ASB8: variants seen among roughly 807,000 people sequenced by gnomAD.
The protein encoded by ASB8 is ankyrin repeat and SOCS box protein 8.
ASB8 carries 15 observed loss-of-function variants against 22.9 expected under a neutral mutation model. The observed-to-expected ratio is 0.66, with a 90% CI of 0.44 to 1.01. ASB8 has a LOEUF of 1.01. Ranked by LOEUF, ASB8 falls within the 50% of genes least tolerant of loss-of-function variation. The pLI is 0.00. For missense variants in ASB8, 294 were observed against 356.9 expected, an observed-to-expected ratio of 0.82 and a Z score of 1.42; for synonymous variants, 124 against 140.8, an observed-to-expected ratio of 0.88 and a Z score of 0.84.
chr12:48,155,739 A>AT (rs1287678630), intron 1 of ASB8, among the ~76,000 whole-genome samples: 1,721 of 125,576 alleles, frequency 0.014, 36 homozygotes, highest in East Asian at 0.12. Flanking sequence ...CAAAAAAAAA[A>AT]AAAATATATA....
intron 3 of ASB8, chr12:48,150,930 T>C (rs1230354262): frequency 4.4e-5 from 24 of 550,604 alleles, no homozygotes; most frequent in Non-Finnish European, 1.6e-5. Context: ...AGTGACAGCT[T>C]AAGTTAAGGA....
At chr12:48,156,608 C>CA (rs929328133) in intron 1 of ASB8, among the ~76,000 whole-genome samples, 4 of 151,832 alleles carry the variant, frequency 2.6e-5, no homozygotes, top group African/African-American at 9.7e-5. Flanking sequence ...ATCGTCTCTA[C>CA]AAAAAAATTC....
intron 3 of ASB8, chr12:48,150,835 A>G (rs999707348): frequency 3.2e-6 from 1 of 315,982 alleles, no homozygotes; most frequent in Admixed American, 4.5e-5. Flanking sequence ...CTGCATTTAT[A>G]TCTCCTGGAT....
chr12:48,149,550 C>T lies in ASB8; in HGVS notation c.683G>A (p.Arg228Gln), dbSNP rs763194034. ...FELRKNGTMP[R>Q]EVARDPQLCE... ...TAGCTGCGGGTCTCTGGCCACCTCTCGTGGCATGGTGCCATTTTTCCTCAA... is the reference window on the plus strand; with the variant it reads ...TAGCTGCGGGTCTCTGGCCACCTCTTGTGGCATGGTGCCATTTTTCCTCAA... Residue 228 changes from arginine to glutamine, a missense_variant, in exon 4 of 4, where the codon CGA (arginine) becomes CAA (glutamine). Physicochemically the swap from Arg to Gln is conservative, Grantham distance 43. Coordinates refer to ENST00000317697, the MANE Select transcript of ASB8 (RefSeq NM_024095.5). 1.3e-5 allele frequency: 21 copies of T among 1,614,026 alleles called. No homozygotes were observed. The highest frequency in any genetic ancestry group is 1.2e-4 in the South Asian group (11 of 91,080).
intron 3 of ASB8, among the ~76,000 whole-genome samples, chr12:48,150,556 C>T (rs1438335390): frequency 1.3e-5 from 2 of 152,122 alleles, no homozygotes; most frequent in Non-Finnish European, 2.9e-5. Context: ...CAAGAGAACC[C>T]AAATGAAAGC....
intron 1 of ASB8, chr12:48,157,020 A>G (rs2136084979): frequency 6.7e-6 from 1 of 149,974 alleles, no homozygotes. Flanking sequence ...ACTGGAAAAG[A>G]GAAGACACAA....
intron 1 of ASB8, among the ~76,000 whole-genome samples, chr12:48,155,274 C>A (rs370305973): frequency 3.9e-5 from 6 of 152,200 alleles, no homozygotes; most frequent in African/African-American, 1.4e-4. Context: ...TTGGGAATAA[C>A]GATACTGATT....
chr12:48,153,855 C>T (rs1443334123), intron 1 of ASB8: 1 of 173,994 alleles, frequency 5.7e-6, no homozygotes, highest in Non-Finnish European at 1.2e-5. Flanking sequence ...TATTTTCCTT[C>T]TTTGAATTTT....
chr12:48,152,285 A>G (rs1001114342), intron 2 of ASB8, among the ~76,000 whole-genome samples: 7 of 152,232 alleles, frequency 4.6e-5, no homozygotes, highest in Admixed American at 2.0e-4. Flanking sequence ...TTTGCTGACA[A>G]TAAGCTAACA....
intron 1 of ASB8, among the ~76,000 whole-genome samples, chr12:48,156,854 A>C (rs150269658): frequency 1.1e-4 from 16 of 152,234 alleles, no homozygotes; most frequent in Non-Finnish European, 2.2e-4. Flanking sequence ...CGATCTCACT[A>C]GACAGCAGCC....
chr12:48,156,034 C>T (rs1309251562), intron 1 of ASB8, among the ~76,000 whole-genome samples: 3 of 151,932 alleles, frequency 2.0e-5, no homozygotes, highest in Non-Finnish European at 4.4e-5. Flanking sequence ...GCTTTGGCCT[C>T]CCAGAGTGCT....
chr12:48,151,408 T>C, intron 2 of ASB8, 103 bp from the exon 3 acceptor site: 1 of 1,034,170 alleles, frequency 9.7e-7, no homozygotes, highest in Non-Finnish European at 1.4e-6. Flanking sequence ...TAACTCTCAC[T>C]ATTTTATAGA....
intron 1 of ASB8, among the ~76,000 whole-genome samples, chr12:48,156,552 G>T (rs987676409): frequency 6.6e-6 from 1 of 152,154 alleles, no homozygotes. Context: ...GAACCTGGAA[G>T]TTCAAGACCA....
chr12:48,155,039 C>T (rs1346956218), intron 1 of ASB8, among the ~76,000 whole-genome samples: 1 of 152,104 alleles, frequency 6.6e-6, no homozygotes, highest in African/African-American at 2.4e-5. Flanking sequence ...CACAATAGGA[C>T]AGAGTTCTAG....
intron 1 of ASB8, among the ~76,000 whole-genome samples, chr12:48,156,626 A>AAAAT (rs1311895286): frequency 6.6e-6 from 1 of 151,996 alleles, no homozygotes; most frequent in Non-Finnish European, 1.5e-5. Context: ...TTCAAAAATT[A>AAAAT]AAATAAATAA....
At chr12:48,155,447 C>T (rs768731581) in intron 1 of ASB8, among the ~76,000 whole-genome samples, 1 of 152,040 alleles carries the variant, frequency 6.6e-6, no homozygotes, top group Non-Finnish European at 1.5e-5. Flanking sequence ...TTTGGCGGGG[C>T]GCGATGGCTC....
rs756281463 is a variant in ASB8, at chr12:48,149,351, A to T, written c.*15T>A. 19 of 1,609,108 alleles carry T rather than the reference A, an allele frequency of 1.2e-5. 1 individual carries two copies. In the South Asian group the frequency reaches 2.1e-4, roughly 18 times the overall value. On this transcript the variant is annotated 3_prime_UTR_variant, in exon 4 of 4. Coordinates refer to ENST00000317697, the MANE Select transcript of ASB8 (RefSeq NM_024095.5). ...CCCAGAGCTGCCTGCACGATGGTGC[A>T]AACATCTTCTCCGGCTATTCTAAAA...
chr12:48,157,333 GC>G (rs765386969), intron 1 of ASB8, 125 bp downstream of exon 1: 4 of 152,270 alleles, frequency 2.6e-5, no homozygotes, highest in Non-Finnish European at 4.4e-5. Context: ...GCCTTCTAAG[GC>G]CCGGAAATAA....
intron 2 of ASB8, among the ~76,000 whole-genome samples, chr12:48,151,880 A>C (rs1309320166): frequency 6.6e-6 from 1 of 152,174 alleles, no homozygotes; most frequent in Non-Finnish European, 1.5e-5. Context: ...GGCCGAGTAC[A>C]GTGGCTCACA....
Sources: allele counts gnomAD v4.1 joint callset (sites outside exome capture counted in the v4.1 genomes callset), GRCh38; gene constraint gnomAD v4.1.1; transcripts MANE v1.5; gene names NCBI Gene and HGNC (gene_info 2026-07-23, HGNC 2026-07-21).